IFT25: variants seen among roughly 807,000 people sequenced by gnomAD.
The protein encoded by IFT25 is intraflagellar transport 25.
the IFT25 span, chr1:53,930,088 A>G: frequency 6.3e-7 from 1 of 1,576,286 alleles, no homozygotes; most frequent in Non-Finnish European, 8.6e-7. Flanking sequence ...GTTTGTGGAA[A>G]CAAATAATGA....
At chr1:53,940,129 T>G in the IFT25 span, 1 of 1,078,884 alleles carries the variant, frequency 9.3e-7, no homozygotes, top group Non-Finnish European at 1.4e-6. Context: ...AAAAAGCAAC[T>G]TCTTGATTCT....
the IFT25 span, among the ~76,000 whole-genome samples, chr1:53,943,965 T>C: frequency 2.0e-5 from 3 of 152,212 alleles, no homozygotes; most frequent in Non-Finnish European, 4.4e-5. Context: ...AGGGTTGATA[T>C]GGAGCAGATG....
the IFT25 span, chr1:53,928,517 C>T: frequency 9.6e-7 from 1 of 1,041,970 alleles, no homozygotes; most frequent in African/African-American, 1.6e-5. Flanking sequence ...TTCCCTCTGC[C>T]TGAGATTATC....
At chr1:53,939,211 G>A in the IFT25 span, among the ~76,000 whole-genome samples, 1 of 151,186 alleles carries the variant, frequency 6.6e-6, no homozygotes, top group African/African-American at 2.4e-5. Context: ...CCAATACGGT[G>A]AAATCCCATC....
chr1:53,926,202 C>A, the IFT25 span, among the ~76,000 whole-genome samples: 1 of 151,884 alleles, frequency 6.6e-6, no homozygotes, highest in African/African-American at 2.4e-5. Flanking sequence ...TTGGAGTGTA[C>A]TGGCACAATC....
At chr1:53,930,122 G>A in the IFT25 span, 3 of 1,564,992 alleles carry the variant, frequency 1.9e-6, no homozygotes, top group Non-Finnish European at 2.6e-6. Flanking sequence ...CATTCCTGTG[G>A]TGGTCCAAAA....
At chr1:53,925,971 G>A in the IFT25 span, among the ~76,000 whole-genome samples, 1 of 150,534 alleles carries the variant, frequency 6.6e-6, no homozygotes, top group Non-Finnish European at 1.5e-5. Context: ...GCAACGTGGT[G>A]CACGCCTGTA....
chr1:53,935,987 C>T, the IFT25 span, among the ~76,000 whole-genome samples: 5 of 151,740 alleles, frequency 3.3e-5, no homozygotes, highest in African/African-American at 9.7e-5. Flanking sequence ...CTAGGCCGGG[C>T]GCGGTGGCTC....
the IFT25 span, chr1:53,930,163 G>C: frequency 6.5e-7 from 1 of 1,535,848 alleles, no homozygotes; most frequent in South Asian, 1.3e-5. Flanking sequence ...TAATTTTAAA[G>C]AAAAAATAAG....
chr1:53,922,547 A>G, the IFT25 span, among the ~76,000 whole-genome samples: 1 of 152,190 alleles, frequency 6.6e-6, no homozygotes, highest in South Asian at 2.1e-4. Flanking sequence ...AATATATTTT[A>G]AAAGCTATAA....
At chr1:53,932,709 T>C in the IFT25 span, among the ~76,000 whole-genome samples, 6 of 152,010 alleles carry the variant, frequency 3.9e-5, no homozygotes, top group Non-Finnish European at 7.4e-5. Context: ...GGACTACAGG[T>C]ACACGCCACC....
chr1:53,935,388 C>T, the IFT25 span, among the ~76,000 whole-genome samples: 1 of 152,146 alleles, frequency 6.6e-6, no homozygotes, highest in Non-Finnish European at 1.5e-5. Flanking sequence ...TAGATTAATG[C>T]TTGCCTAGGG....
the IFT25 span, chr1:53,930,061 C>A: frequency 7.7e-6 from 12 of 1,565,528 alleles, no homozygotes; most frequent in Non-Finnish European, 1.0e-5. Flanking sequence ...GGATTACAAG[C>A]CTTTCAATCC....
At chr1:53,927,046 T>C in the IFT25 span, among the ~76,000 whole-genome samples, 1 of 152,170 alleles carries the variant, frequency 6.6e-6, no homozygotes, top group African/African-American at 2.4e-5. Flanking sequence ...GATTTTATCA[T>C]CTTGTCTATT....
At chr1:53,914,566 T>C in the IFT25 span, among the ~76,000 whole-genome samples, 1 of 152,222 alleles carries the variant, frequency 6.6e-6, no homozygotes, top group South Asian at 2.1e-4. Context: ...TTTCCAGTTT[T>C]TCTGTCTTAT....
At chr1:53,945,216 T>C in the IFT25 span, among the ~76,000 whole-genome samples, 12 of 152,346 alleles carry the variant, frequency 7.9e-5, no homozygotes, top group Non-Finnish European at 1.8e-4. Context: ...TTAGGTACAA[T>C]TTATAGCTAG....
the IFT25 span, chr1:53,940,033 A>T: frequency 6.2e-7 from 1 of 1,611,900 alleles, no homozygotes; most frequent in Non-Finnish European, 8.5e-7. Flanking sequence ...TGATGTAGCT[A>T]AAATCACTTC....
the IFT25 span, chr1:53,940,194 G>A: frequency 4.7e-6 from 3 of 638,856 alleles, no homozygotes; most frequent in African/African-American, 1.8e-5. Context: ...CCTAGCAGAT[G>A]GTTTAACACC....
chr1:53,930,000 CAAA>C, the IFT25 span: 4,267 of 1,390,892 alleles, frequency 3.1e-3, no homozygotes, highest in South Asian at 9.6e-3. Flanking sequence ...CCTGGAGCAC[CAAA>C]AAAAAAAAAA....
Sources: gnomAD v4.1 joint callset for allele counts (sites outside exome capture counted in the v4.1 genomes callset) on GRCh38, gnomAD v4.1.1 for gene constraint, MANE v1.5 for transcripts, NCBI Gene and HGNC (gene_info 2026-07-23, HGNC 2026-07-21) for gene names.